UBE2E3: variants seen among roughly 807,000 people sequenced by gnomAD.
UBE2E3 encodes ubiquitin conjugating enzyme E2 E3, also known as ubiquitin-conjugating enzyme E2 E3.
A neutral mutation model predicts 23.6 loss-of-function variants in UBE2E3; 5 were observed. That is an observed-to-expected ratio of 0.21 (90% CI 0.11 to 0.44). The LOEUF is 0.44. Ranked by LOEUF, UBE2E3 falls within the 20% of genes least tolerant of loss-of-function variation. The probability of loss-of-function intolerance (pLI) is 0.99; values close to 1 mark genes in which losing one functional copy is unlikely to be tolerated. For synonymous variants in UBE2E3, 78 were observed against 87.5 expected (o/e 0.89, Z 0.60); for missense variants, 81 against 249.8 (o/e 0.32, Z 4.55).
intron 3 of UBE2E3, among the ~76,000 whole-genome samples, chr2:181,040,157 A>G (rs748184436): frequency 1.3e-5 from 2 of 152,164 alleles, no homozygotes; most frequent in Non-Finnish European, 2.9e-5. Context: ...ATTGGGGAGG[A>G]AAATATGTTT....
chr2:181,019,172 C>A (rs907019223), intron 3 of UBE2E3, among the ~76,000 whole-genome samples: 2 of 152,164 alleles, frequency 1.3e-5, no homozygotes, highest in African/African-American at 2.4e-5. Context: ...GTTGGTCAGG[C>A]TGGTCTCGAA....
At chr2:181,025,403 A>T (rs1312456345) in intron 3 of UBE2E3, among the ~76,000 whole-genome samples, 9 of 151,534 alleles carry the variant, frequency 5.9e-5, no homozygotes, top group Non-Finnish European at 1.2e-4. Flanking sequence ...GATATTATCT[A>T]TTTTTTCCCT....
At chr2:181,030,153 A>C (rs945701474) in intron 3 of UBE2E3, among the ~76,000 whole-genome samples, 2 of 151,788 alleles carry the variant, frequency 1.3e-5, no homozygotes, top group South Asian at 4.2e-4. Context: ...CCATGAAAGT[A>C]TTTTGGTTGT....
chr2:181,062,221 A>G (rs1415854336), intron 5 of UBE2E3, among the ~76,000 whole-genome samples: 1 of 151,678 alleles, frequency 6.6e-6, no homozygotes, highest in African/African-American at 2.4e-5. Context: ...ATATTGTACC[A>G]TATGTACATA....
At chr2:180,987,327 C>T (rs1684510653) in intron 3 of UBE2E3, 1 of 1,549,386 alleles carries the variant, frequency 6.5e-7, no homozygotes, top group Admixed American at 2.0e-5. Context: ...TACTTTCCAT[C>T]TGTTTCCCAG....
At chr2:181,014,728 T>C (rs1685434880) in intron 3 of UBE2E3, among the ~76,000 whole-genome samples, 1 of 152,170 alleles carries the variant, frequency 6.6e-6, no homozygotes, top group Non-Finnish European at 1.5e-5. Context: ...TAAATTTTTA[T>C]TGATATAGTT....
At chr2:181,055,052 T>G (rs10186928) in intron 3 of UBE2E3, among the ~76,000 whole-genome samples, 6,058 of 151,662 alleles carry the variant, frequency 0.04, 181 homozygotes, top group African/African-American at 0.076. Flanking sequence ...TTGGGTGTAG[T>G]GATGAGGTCA....
chr2:181,028,420 A>G (rs1326061826), intron 3 of UBE2E3, among the ~76,000 whole-genome samples: 1 of 152,086 alleles, frequency 6.6e-6, no homozygotes, highest in African/African-American at 2.4e-5. Flanking sequence ...TTCATTGTAT[A>G]TCTAAGAGTG....
intron 3 of UBE2E3, among the ~76,000 whole-genome samples, chr2:181,056,262 G>T (rs77369223): frequency 1.2e-3 from 187 of 151,832 alleles, no homozygotes; most frequent in East Asian, 7.8e-3. Context: ...ATACGTACAG[G>T]CAGGAGAAGA....
At chr2:180,995,320 G>A (rs1684791630) in intron 3 of UBE2E3, among the ~76,000 whole-genome samples, 1 of 152,156 alleles carries the variant, frequency 6.6e-6, no homozygotes, top group African/African-American at 2.4e-5. Context: ...ATCTGCAGCT[G>A]TAGGTGCCTG....
At chr2:181,054,791 TA>T (rs1209366304) in intron 3 of UBE2E3, among the ~76,000 whole-genome samples, 1 of 151,734 alleles carries the variant, frequency 6.6e-6, no homozygotes, top group East Asian at 1.9e-4. Context: ...CTGCATAAGA[TA>T]ACCAAAACAG....
At chr2:181,045,659 A>T (rs1574216606) in intron 3 of UBE2E3, among the ~76,000 whole-genome samples, 1 of 152,146 alleles carries the variant, frequency 6.6e-6, no homozygotes, top group Non-Finnish European at 1.5e-5. Context: ...GTAAGTTTTT[A>T]AACTCCACAG....
intron 3 of UBE2E3, among the ~76,000 whole-genome samples, chr2:181,029,024 A>G (rs1367655676): frequency 6.6e-6 from 1 of 152,082 alleles, no homozygotes; most frequent in African/African-American, 2.4e-5. Flanking sequence ...GAAAAGGGTA[A>G]GGTAGTAGTC....
intron 3 of UBE2E3, among the ~76,000 whole-genome samples, chr2:181,055,696 A>G (rs1480560000): frequency 7.1e-6 from 1 of 141,322 alleles, no homozygotes. Context: ...ACTTTGTCCT[A>G]TAGTTAAATG....
At chr2:180,987,439 A>G (rs767822625) in intron 3 of UBE2E3, 40 of 1,543,376 alleles carry the variant, frequency 2.6e-5, no homozygotes, top group Non-Finnish European at 3.2e-5. Context: ...CCATATAGGA[A>G]GAAGCACAAA....
At chr2:181,020,781 G>GT (rs2105624201) in intron 3 of UBE2E3, among the ~76,000 whole-genome samples, 1 of 152,286 alleles carries the variant, frequency 6.6e-6, no homozygotes, top group African/African-American at 2.4e-5. Flanking sequence ...AAGGAAAAAA[G>GT]TAAGGTAGTC....
intron 3 of UBE2E3, among the ~76,000 whole-genome samples, chr2:181,021,827 T>C (rs1227727711): frequency 3.3e-5 from 5 of 152,064 alleles, no homozygotes; most frequent in Non-Finnish European, 5.9e-5. Flanking sequence ...TTTCAAGGAT[T>C]ATAAGTAGGT....
chr2:180,999,904 A>G (rs1009112755), intron 3 of UBE2E3, among the ~76,000 whole-genome samples: 1 of 150,050 alleles, frequency 6.7e-6, no homozygotes, highest in African/African-American at 2.4e-5. Flanking sequence ...AGTTATATGG[A>G]CAAATAAACA....
chr2:180,993,628 T>C (rs1349366539), intron 3 of UBE2E3, among the ~76,000 whole-genome samples: 3 of 152,218 alleles, frequency 2.0e-5, no homozygotes, highest in Non-Finnish European at 4.4e-5. Context: ...TTATAAACAC[T>C]GTTTATTCCC....
Sources: gnomAD v4.1 joint callset for allele counts (sites outside exome capture counted in the v4.1 genomes callset) on GRCh38, gnomAD v4.1.1 for gene constraint, MANE v1.5 for transcripts, NCBI Gene and HGNC (gene_info 2026-07-23, HGNC 2026-07-21) for gene names.